The following PTPRK variants were observed in gnomAD, a reference collection of about 807,000 sequenced individuals.
PTPRK encodes receptor-type tyrosine-protein phosphatase kappa.
A neutral mutation model predicts 178.0 loss-of-function variants in PTPRK; 75 were observed. The observed-to-expected ratio is 0.42, with a 90% CI of 0.35 to 0.51. The LOEUF (loss-of-function observed/expected upper bound fraction) is 0.51, where lower values mean the gene tolerates loss of function less well. PTPRK is among the 20% of genes least tolerant of loss of function. The probability of loss-of-function intolerance (pLI) is 0.02; values close to 1 mark genes in which losing one functional copy is unlikely to be tolerated. For missense variants in PTPRK, 1,441 were observed against 1,797.8 expected, an observed-to-expected ratio of 0.80 and a Z score of 3.59; for synonymous variants, 637 against 620.6, an observed-to-expected ratio of 1.03 and a Z score of -0.39.
At chr6:128,415,543 C>T (rs1309983505) in intron 1 of PTPRK, among the ~76,000 whole-genome samples, 3 of 151,196 alleles carry the variant, frequency 2.0e-5, no homozygotes, top group African/African-American at 7.3e-5. Context: ...ATCACTTCCA[C>T]AAAGCCCTCT....
At chr6:128,290,059 G>A (rs907805853) in intron 3 of PTPRK, among the ~76,000 whole-genome samples, 4 of 152,040 alleles carry the variant, frequency 2.6e-5, no homozygotes, top group African/African-American at 9.7e-5. Context: ...AAAATAGCCA[G>A]CTAAACTGAC....
chr6:128,459,437 G>C (rs1848763422), intron 1 of PTPRK, among the ~76,000 whole-genome samples: 1 of 152,138 alleles, frequency 6.6e-6, no homozygotes, highest in Non-Finnish European at 1.5e-5. Flanking sequence ...CTGGATCTCT[G>C]TGGATCACCT....
chr6:128,401,558 GAA>G (rs1841020665), intron 1 of PTPRK, among the ~76,000 whole-genome samples: 1 of 152,140 alleles, frequency 6.6e-6, no homozygotes, highest in South Asian at 2.1e-4. Flanking sequence ...GAAGAAAAAT[GAA>G]AAGTCGTAGA....
At chr6:128,448,537 C>T (rs951959821) in intron 1 of PTPRK, among the ~76,000 whole-genome samples, 1 of 152,134 alleles carries the variant, frequency 6.6e-6, no homozygotes, top group Non-Finnish European at 1.5e-5. Flanking sequence ...GCACTCAGCA[C>T]AAAGCATGCC....
At chr6:128,435,333 G>C (rs1301086882) in intron 1 of PTPRK, among the ~76,000 whole-genome samples, 3 of 152,144 alleles carry the variant, frequency 2.0e-5, no homozygotes. Flanking sequence ...TGGACATCCT[G>C]ACAGGGTCTA....
chr6:128,380,992 T>C (rs780440587), intron 2 of PTPRK, among the ~76,000 whole-genome samples: 2 of 152,156 alleles, frequency 1.3e-5, no homozygotes, highest in South Asian at 4.1e-4. Flanking sequence ...TATCAGACAG[T>C]TTTAAACCCA....
At chr6:128,200,267 C>A (rs1160303940) in intron 6 of PTPRK, among the ~76,000 whole-genome samples, 1 of 152,152 alleles carries the variant, frequency 6.6e-6, no homozygotes, top group Non-Finnish European at 1.5e-5. Context: ...CATCTAATAA[C>A]ATCTCTCTAG....
At chr6:128,046,183 A>G (rs1267482128) in intron 13 of PTPRK, among the ~76,000 whole-genome samples, 2 of 152,100 alleles carry the variant, frequency 1.3e-5, no homozygotes, top group African/African-American at 4.8e-5. Flanking sequence ...GCTATAGTCT[A>G]TTACTCTATT....
chr6:128,370,270 G>C (rs1473917829), intron 2 of PTPRK, among the ~76,000 whole-genome samples: 1 of 152,112 alleles, frequency 6.6e-6, no homozygotes, highest in Non-Finnish European at 1.5e-5. Flanking sequence ...GGGCATCCCT[G>C]TTATTGATGT....
At chr6:128,297,264 A>G (rs904304822) in intron 3 of PTPRK, among the ~76,000 whole-genome samples, 2 of 152,090 alleles carry the variant, frequency 1.3e-5, no homozygotes, top group Admixed American at 6.5e-5. Context: ...AGACTCCCAC[A>G]CAATAATAAT....
chr6:128,199,165 T>C (rs777441332), intron 6 of PTPRK, among the ~76,000 whole-genome samples: 11 of 152,184 alleles, frequency 7.2e-5, no homozygotes, highest in Non-Finnish European at 1.3e-4. Context: ...AGTCATATAG[T>C]AGTATATTCA....
chr6:128,378,677 A>C (rs9321117), intron 2 of PTPRK, among the ~76,000 whole-genome samples: 2,036 of 152,202 alleles, frequency 0.013, 17 homozygotes, highest in African/African-American at 0.027. Context: ...GTATATGCAT[A>C]ATCGTTCAAA....
chr6:128,160,867 A>G (rs1583276830), intron 7 of PTPRK, among the ~76,000 whole-genome samples: 1 of 151,778 alleles, frequency 6.6e-6, no homozygotes, highest in East Asian at 1.9e-4. Context: ...AATAATCTGA[A>G]TATAAAATAG....
intron 13 of PTPRK, among the ~76,000 whole-genome samples, chr6:128,017,827 T>TATATAC (rs1779787115): frequency 7.2e-6 from 1 of 138,672 alleles, no homozygotes; most frequent in Non-Finnish European, 1.5e-5. Context: ...TATATATATA[T>TATATAC]ATATATTTGG....
At chr6:128,220,342 G>C (rs928670149) in intron 5 of PTPRK, among the ~76,000 whole-genome samples, 1 of 152,150 alleles carries the variant, frequency 6.6e-6, no homozygotes, top group Non-Finnish European at 1.5e-5. Context: ...CATGAAATGA[G>C]ATTGTCAATC....
chr6:128,332,267 T>C (rs1830375425), intron 2 of PTPRK, among the ~76,000 whole-genome samples: 1 of 152,238 alleles, frequency 6.6e-6, no homozygotes, highest in South Asian at 2.1e-4. Context: ...TTAAAAGGAT[T>C]AGTGCCATCT....
intron 5 of PTPRK, among the ~76,000 whole-genome samples, chr6:128,232,599 T>C (rs1169256119): frequency 6.6e-6 from 1 of 152,236 alleles, no homozygotes; most frequent in Non-Finnish European, 1.5e-5. Flanking sequence ...GTCATTATTA[T>C]ACTTTAGGAT....
chr6:128,226,312 T>A (rs940731767), intron 5 of PTPRK, among the ~76,000 whole-genome samples: 1 of 152,236 alleles, frequency 6.6e-6, no homozygotes, highest in Non-Finnish European at 1.5e-5. Context: ...CACAATATTA[T>A]GAAGATGATA....
In PTPRK at chr6:128,345,744, T is replaced by C. The variant is rs17055770; in HGVS notation, c.224-23434A>G. ...CTAATCACCATACAAGGAGAATATA[T>C]ACTACATGCATTTGTATCCCTTCTC... On this transcript the variant is annotated intron_variant, in intron 2 of 29. Transcript: ENST00000368226. Among the ~76,000 whole-genome samples the C allele has an allele frequency of 9.6e-3, 1,468 of 152,320 alleles. 26 individuals carry two copies. The highest frequency in any genetic ancestry group is 0.033 in the African/African-American group (1,380 of 41,578).
Sources: gnomAD v4.1 joint callset for allele counts (sites outside exome capture counted in the v4.1 genomes callset) on GRCh38, gnomAD v4.1.1 for gene constraint, MANE v1.5 for transcripts, NCBI Gene and HGNC (gene_info 2026-07-23, HGNC 2026-07-21) for gene names.